The following KCNJ15 variants were observed in gnomAD, a reference collection of about 807,000 sequenced individuals.
The protein encoded by KCNJ15 is ATP-sensitive inward rectifier potassium channel 15.
KCNJ15 carries 14 observed loss-of-function variants against 23.0 expected under a neutral mutation model. The ratio of observed to expected loss-of-function variants is 0.61; its 90% CI spans 0.40 to 0.95. KCNJ15 has a LOEUF of 0.95. KCNJ15 is among the 40% of genes least tolerant of loss of function. KCNJ15 has a pLI of 0.00. For synonymous variants in KCNJ15, 185 were observed against 183.2 expected (o/e 1.01, Z -0.08); for missense variants, 388 against 461.8 (o/e 0.84, Z 1.46).
Position 38,300,310 on chromosome 21 carries a change from A to G in KCNJ15, c.1049A>G (p.Gln350Arg). 1 of 1,614,096 alleles carries G rather than the reference A, an allele frequency of 6.2e-7. No homozygotes were observed. Among genetic ancestry groups the G allele is most frequent in the Non-Finnish European group, 8.5e-7 (1 of 1,179,938 alleles). The change falls in exon 3 of 3, where the codon CAA (glutamine) becomes CGA (arginine). Residue 350 changes from glutamine to arginine, a missense_variant. Coordinates refer to ENST00000398938, the MANE Select transcript of KCNJ15 (RefSeq NM_170736.3). ...TACTGTGCAGATTCTGAGAAACAGCAACTCGAGGAGAAGTACAGGCAGGAG... is the reference window on the plus strand; with the variant it reads ...TACTGTGCAGATTCTGAGAAACAGCGACTCGAGGAGAAGTACAGGCAGGAG... ...TFYCADSEKQ[Q>R]LEEKYRQEDQ...
chr21:38,239,385 A>C (rs946971498), intron 1 of KCNJ15, among the ~76,000 whole-genome samples: 1 of 152,206 alleles, frequency 6.6e-6, no homozygotes, highest in African/African-American at 2.4e-5. Context: ...CCACCTCCCC[A>C]AAAACTAGCA....
intron 1 of KCNJ15, chr21:38,238,463 C>T (rs532458834): frequency 3.2e-5 from 21 of 662,344 alleles, no homozygotes; most frequent in Non-Finnish European, 4.0e-5. Context: ...GCCTGGCGGT[C>T]TCCACAGATG....
Position 38,302,272 on chromosome 21 carries a change from T to A in KCNJ15, c.*1883T>A, listed in dbSNP as rs1475079803. The A allele has an allele frequency of 6.6e-6, 1 of 152,222 alleles. No individual in the cohort carries two copies. Among genetic ancestry groups the A allele is most frequent in the East Asian group, 1.9e-4 (1 of 5,196 alleles). The allele number at this position is 152,222 out of a possible 1,614,324, so 9.4% of individuals were successfully genotyped here. On this transcript the variant is annotated 3_prime_UTR_variant, in exon 3 of 3. Transcript: ENST00000398938. ...ATTCAGGTTATCAGTGAAATGATGG[T>A]ATAGATTACAGCAAATCTGGATATA...
chr21:38,276,286 G>A (rs1429663472), intron 1 of KCNJ15, among the ~76,000 whole-genome samples: 4 of 152,042 alleles, frequency 2.6e-5, no homozygotes, highest in Non-Finnish European at 5.9e-5. Flanking sequence ...GCAAATGAAT[G>A]ATGTTTTGGT....
At chr21:38,284,131 CT>C (rs1293364313) in intron 1 of KCNJ15, among the ~76,000 whole-genome samples, 1 of 152,214 alleles carries the variant, frequency 6.6e-6, no homozygotes, top group Admixed American at 6.5e-5. Context: ...TCCAGGCAGC[CT>C]CCAGTGCACA....
intron 1 of KCNJ15, among the ~76,000 whole-genome samples, chr21:38,257,432 G>A (rs902960226): frequency 6.6e-6 from 1 of 152,052 alleles, no homozygotes; most frequent in African/African-American, 2.4e-5. Context: ...ATATCCAGAT[G>A]TCGTCTTGTT....
intron 1 of KCNJ15, among the ~76,000 whole-genome samples, chr21:38,292,837 C>T (rs186244844): frequency 5.1e-4 from 77 of 151,832 alleles, no homozygotes; most frequent in Middle Eastern, 3.4e-3. Flanking sequence ...GGCGTAATGG[C>T]GGGTGCCTGT....
intron 1 of KCNJ15, among the ~76,000 whole-genome samples, chr21:38,281,635 G>A (rs1004334556): frequency 3.7e-4 from 56 of 152,306 alleles, no homozygotes; most frequent in African/African-American, 1.3e-3. Context: ...GTATTCTGCG[G>A]TATATTTGTA....
chr21:38,273,201 A>G (rs2226370), intron 1 of KCNJ15, among the ~76,000 whole-genome samples: 31,187 of 152,174 alleles, frequency 0.2, 3,533 homozygotes, highest in East Asian at 0.44. Context: ...TTTTTGCAAT[A>G]TGAAACAACA....
At chr21:38,285,740 G>T (rs1983816436) in intron 1 of KCNJ15, 1 of 152,314 alleles carries the variant, frequency 6.6e-6, no homozygotes, top group Non-Finnish European at 1.5e-5. Context: ...CAGAGAGGGA[G>T]CGAGAGCCAG....
At chr21:38,259,216 C>A (rs1336818873) in intron 1 of KCNJ15, among the ~76,000 whole-genome samples, 1 of 152,124 alleles carries the variant, frequency 6.6e-6, no homozygotes, top group Non-Finnish European at 1.5e-5. Context: ...CTCAAAGCAG[C>A]CCACGAAGTT....
At chr21:38,238,368 C>A in intron 1 of KCNJ15, 1 of 717,530 alleles carries the variant, frequency 1.4e-6, no homozygotes, top group Admixed American at 1.8e-5. Flanking sequence ...ACAGGAAACT[C>A]GAGGGGTCCC....
chr21:38,282,328 T>C (rs1429725494), intron 1 of KCNJ15, among the ~76,000 whole-genome samples: 1 of 152,174 alleles, frequency 6.6e-6, no homozygotes, highest in Non-Finnish European at 1.5e-5. Context: ...TAGAACTCTT[T>C]GTCTATGATG....
In KCNJ15 at chr21:38,294,313, T is replaced by A. The variant is rs1489733547; in HGVS notation, c.-116-2613T>A. 2.6e-5 allele frequency among the ~76,000 whole-genome samples: 4 copies of A among 152,120 alleles called. No homozygotes were observed. The East Asian group carries it at 7.7e-4, about 29-fold the overall frequency. ...GCTATGTTTTTTCAGAGCTTAAAAG[T>A]GAGATCCACCACAAGTTAATTTTAG... is the stretch of plus-strand genomic sequence containing the variant. On this transcript the variant is annotated intron_variant, in intron 1 of 2. Transcript: ENST00000398938.
chr21:38,267,929 G>A (rs762942903), intron 1 of KCNJ15, among the ~76,000 whole-genome samples: 7 of 152,138 alleles, frequency 4.6e-5, no homozygotes, highest in Non-Finnish European at 8.8e-5. Context: ...TGGAGAGGGG[G>A]TTACATCTGT....
intron 1 of KCNJ15, among the ~76,000 whole-genome samples, chr21:38,233,639 A>C (rs969739385): frequency 3.3e-5 from 5 of 152,080 alleles, no homozygotes; most frequent in African/African-American, 1.2e-4. Flanking sequence ...ACTAAGAAAA[A>C]AGAGAGAAGA....
chr21:38,300,501 T>A lies in KCNJ15; in HGVS notation c.*112T>A. On this transcript the variant is annotated 3_prime_UTR_variant, in exon 3 of 3. Coordinates refer to ENST00000398938, the MANE Select transcript of KCNJ15 (RefSeq NM_170736.3). The stretch of plus-strand genomic sequence containing the variant: ...AATGTGTAGACGCACTCTCAAAAAC[T>A]GCACGGACATACAAAATCAATCTTT... 1 of 825,138 alleles carries A rather than the reference T, an allele frequency of 1.2e-6. No individual in the cohort carries two copies. Among genetic ancestry groups the A allele is most frequent in the Non-Finnish European group, 1.9e-6 (1 of 526,820 alleles). 51.1% of individuals were successfully genotyped at this position (825,138 alleles called of 1,614,324 possible).
chr21:38,252,361 G>A (rs1386614207), upstream of KCNJ15, among the ~76,000 whole-genome samples: 1 of 152,076 alleles, frequency 6.6e-6, no homozygotes, highest in Non-Finnish European at 1.5e-5. Flanking sequence ...TGGGCTTCTA[G>A]AATATTATGG....
chr21:38,284,170 A>C (rs919930413), intron 1 of KCNJ15, among the ~76,000 whole-genome samples: 6 of 152,182 alleles, frequency 3.9e-5, no homozygotes, highest in African/African-American at 1.4e-4. Context: ...CAGAGGTGAG[A>C]TCCTCCTTCT....
Sources: gnomAD v4.1 joint callset for allele counts (sites outside exome capture counted in the v4.1 genomes callset) on GRCh38, gnomAD v4.1.1 for gene constraint, MANE v1.5 for transcripts, NCBI Gene and HGNC (gene_info 2026-07-23, HGNC 2026-07-21) for gene names.